The following L3MBTL4 variants were observed in gnomAD, a reference collection of about 807,000 sequenced individuals.
L3MBTL4 encodes the protein L3MBTL histone methyl-lysine binding protein 4.
In L3MBTL4, 70 loss-of-function variants were observed where a neutral mutation model predicts 84.5. The observed-to-expected ratio is 0.83, with a 90% CI of 0.68 to 1.01. The LOEUF is 1.01. Ranked by LOEUF, L3MBTL4 falls within the 50% of genes least tolerant of loss-of-function variation. The probability of loss-of-function intolerance (pLI) is 0.00; values close to 1 mark genes in which losing one functional copy is unlikely to be tolerated. For missense variants in L3MBTL4, 715 were observed against 754.8 expected (o/e 0.95, Z 0.62); for synonymous variants, 274 against 259.8 (o/e 1.05, Z -0.52).
intron 15 of L3MBTL4, among the ~76,000 whole-genome samples, chr18:6,087,422 A>G (rs2058293312): frequency 6.6e-6 from 1 of 152,150 alleles, no homozygotes; most frequent in Non-Finnish European, 1.5e-5. Flanking sequence ...CAGAAGTTGA[A>G]TTAATCTCTT....
intron 17 of L3MBTL4, among the ~76,000 whole-genome samples, chr18:5,966,498 C>T (rs563883208): frequency 6.6e-6 from 1 of 152,224 alleles, no homozygotes; most frequent in South Asian, 2.1e-4. Flanking sequence ...CTCTTCTTTC[C>T]TCTTTCTAAC....
intron 10 of L3MBTL4, among the ~76,000 whole-genome samples, chr18:6,230,359 C>G (rs1195631202): frequency 1.3e-5 from 2 of 152,078 alleles, no homozygotes; most frequent in Non-Finnish European, 2.9e-5. Flanking sequence ...TCTGGTAGTT[C>G]ACTTAGGATA....
intron 14 of L3MBTL4, among the ~76,000 whole-genome samples, chr18:6,137,679 G>A (rs780805560): frequency 2.6e-5 from 4 of 152,062 alleles, no homozygotes; most frequent in Admixed American, 6.6e-5. Context: ...ATATTTATTC[G>A]TATTATTTTT....
intron 4 of L3MBTL4, among the ~76,000 whole-genome samples, chr18:6,269,374 G>A (rs143164391): frequency 6.3e-4 from 96 of 152,130 alleles, no homozygotes; most frequent in Non-Finnish European, 1.2e-3. Flanking sequence ...GGAGAATGGC[G>A]TGAACCCGGG....
intron 13 of L3MBTL4, among the ~76,000 whole-genome samples, chr18:6,163,972 A>G (rs995726828): frequency 3.3e-5 from 5 of 152,126 alleles, no homozygotes; most frequent in Admixed American, 3.3e-4. Flanking sequence ...AAATCGGGTC[A>G]CTCCCACACT....
chr18:6,197,294 T>G (rs555653240), intron 12 of L3MBTL4, among the ~76,000 whole-genome samples: 149 of 152,214 alleles, frequency 9.8e-4, no homozygotes, highest in African/African-American at 3.5e-3. Context: ...CCCCAGTGTG[T>G]GTTGTTCCCC....
intron 13 of L3MBTL4, among the ~76,000 whole-genome samples, chr18:6,164,122 G>A (rs1037391717): frequency 1.3e-5 from 2 of 152,188 alleles, no homozygotes; most frequent in Non-Finnish European, 1.5e-5. Flanking sequence ...AGGCAGCAGT[G>A]AGGCTGGGGT....
At chr18:6,216,214 T>C (rs949084438) in intron 10 of L3MBTL4, among the ~76,000 whole-genome samples, 5 of 151,182 alleles carry the variant, frequency 3.3e-5, no homozygotes, top group East Asian at 1.9e-4. Flanking sequence ...ATACCATGAA[T>C]TGGAAAAAAA....
At chr18:6,366,740 G>C (rs1238958906) in intron 1 of L3MBTL4, among the ~76,000 whole-genome samples, 2 of 152,200 alleles carry the variant, frequency 1.3e-5, no homozygotes, top group African/African-American at 4.8e-5. Context: ...ACTCAGCTAA[G>C]TGCAGATGTT....
At chr18:6,230,885 GA>G (rs764688182) in intron 10 of L3MBTL4, among the ~76,000 whole-genome samples, 49 of 151,822 alleles carry the variant, frequency 3.2e-4, no homozygotes, top group Non-Finnish European at 6.3e-4. Context: ...TATGTCTTTT[GA>G]AAAAATGTCT....
At chr18:6,262,587 T>C (rs976517553) in intron 5 of L3MBTL4, among the ~76,000 whole-genome samples, 1 of 152,170 alleles carries the variant, frequency 6.6e-6, no homozygotes, top group African/African-American at 2.4e-5. Flanking sequence ...GTTCTCAAGC[T>C]ACACATTTCC....
chr18:6,359,988 A>G (rs2053611322), intron 1 of L3MBTL4, among the ~76,000 whole-genome samples: 1 of 152,166 alleles, frequency 6.6e-6, no homozygotes, highest in Admixed American at 6.5e-5. Context: ...CACATGACAT[A>G]CTAACAACAA....
chr18:5,988,711 A>G (rs777140301), intron 16 of L3MBTL4, among the ~76,000 whole-genome samples: 6 of 152,186 alleles, frequency 3.9e-5, no homozygotes, highest in Non-Finnish European at 8.8e-5. Flanking sequence ...CTTTGTAAGT[A>G]ATATAGGTGG....
intron 1 of L3MBTL4, among the ~76,000 whole-genome samples, chr18:6,364,359 T>G (rs1452869987): frequency 6.6e-6 from 1 of 152,060 alleles, no homozygotes; most frequent in African/African-American, 2.4e-5. Context: ...TATAATGCCA[T>G]AAATATTGAT....
chr18:6,178,676 A>T (rs2044330898), intron 12 of L3MBTL4, among the ~76,000 whole-genome samples: 1 of 152,228 alleles, frequency 6.6e-6, no homozygotes, highest in Non-Finnish European at 1.5e-5. Flanking sequence ...CCTTCAACAG[A>T]CAGGAATGTG....
intron 10 of L3MBTL4, among the ~76,000 whole-genome samples, chr18:6,223,259 T>G (rs1336566153): frequency 6.6e-6 from 1 of 152,094 alleles, no homozygotes; most frequent in Non-Finnish European, 1.5e-5. Context: ...AGTTTAAAAA[T>G]GCGGAAATAA....
At chr18:6,069,037 C>G (rs1252360178) in intron 16 of L3MBTL4, among the ~76,000 whole-genome samples, 1 of 152,184 alleles carries the variant, frequency 6.6e-6, no homozygotes, top group Non-Finnish European at 1.5e-5. Context: ...GGAATGTCTG[C>G]AAGGGATCCA....
intron 14 of L3MBTL4, among the ~76,000 whole-genome samples, chr18:6,121,254 T>A (rs1459364191): frequency 6.6e-6 from 1 of 152,158 alleles, no homozygotes; most frequent in East Asian, 1.9e-4. Flanking sequence ...TCTAACGCAA[T>A]CCTAAATCAC....
intron 15 of L3MBTL4, among the ~76,000 whole-genome samples, chr18:6,081,559 G>A (rs2058078188): frequency 6.6e-6 from 1 of 152,068 alleles, no homozygotes; most frequent in African/African-American, 2.4e-5. Context: ...ATTAATTTTA[G>A]GTAGATAGGC....
Sources: allele counts gnomAD v4.1 joint callset (sites outside exome capture counted in the v4.1 genomes callset), GRCh38; gene constraint gnomAD v4.1.1; transcripts MANE v1.5; gene names NCBI Gene and HGNC (gene_info 2026-07-23, HGNC 2026-07-21).